The following MYLK3 variants were observed in gnomAD, a reference collection of about 807,000 sequenced individuals.
MYLK3 encodes the protein myosin light chain kinase 3, also known as MLC kinase.
In MYLK3, 55 loss-of-function variants were observed where a neutral mutation model predicts 76.3. That is an observed-to-expected ratio of 0.72 (90% CI 0.58 to 0.90). The LOEUF is 0.90. Among genes scored for constraint, MYLK3 ranks in the 40% least tolerant of loss-of-function variants. The pLI, the probability that MYLK3 is intolerant of heterozygous loss-of-function variation, is 0.00. For synonymous variants in MYLK3, 416 were observed against 425.4 expected, an observed-to-expected ratio of 0.98 and a Z score of 0.27; for missense variants, 973 against 1,053.6, an observed-to-expected ratio of 0.92 and a Z score of 1.06.
intron 1 of MYLK3, among the ~76,000 whole-genome samples, chr16:46,753,677 AG>A: frequency 6.6e-6 from 1 of 152,178 alleles, no homozygotes; most frequent in African/African-American, 2.4e-5. Context: ...TTGGGAGGCC[AG>A]GGTGGGGGGC....
Position 46,703,574 on chromosome 16 carries a change from C to T in MYLK3, c.*4130G>A, listed in dbSNP as rs1207844715. On this transcript the variant is annotated 3_prime_UTR_variant, in exon 13 of 13. Transcript: ENST00000394809. ...GAAAAGTCCCATTAGAAATAGTTGA[C>T]CCAACACAGTTGCAATCAAGTATTT... The T allele has an allele frequency of 6.6e-6, 1 of 152,154 alleles. No individual in the cohort carries two copies. Among genetic ancestry groups the T allele is most frequent in the Non-Finnish European group, 1.5e-5 (1 of 68,038 alleles). 9.4% of individuals were successfully genotyped at this position (152,154 alleles called of 1,614,324 possible). A position where few individuals can be genotyped will look rare whatever the true frequency, so the allele number is the denominator to read the frequency against.
chr16:46,763,164 AG>A (rs1350717291), exon 1 of MYLK3: 1 of 985,100 alleles, frequency 1.0e-6, no homozygotes, highest in Admixed American at 6.1e-5. Context: ...GAGGCAGTTA[AG>A]TGGCTTGTCA....
intron 1 of MYLK3, among the ~76,000 whole-genome samples, chr16:46,758,907 T>C (rs1362959287): frequency 1.3e-5 from 2 of 152,152 alleles, no homozygotes; most frequent in African/African-American, 4.8e-5. Context: ...GACTCCGAGA[T>C]ATTCAATATT....
At chr16:46,725,105 C>T (rs1422256557) in intron 8 of MYLK3, among the ~76,000 whole-genome samples, 1 of 152,024 alleles carries the variant, frequency 6.6e-6, no homozygotes, top group Non-Finnish European at 1.5e-5. Flanking sequence ...ATTGTTCAGT[C>T]CCAGTATTTA....
At chr16:46,721,304 A>G (rs1596753001) in intron 8 of MYLK3, 111 bp from the exon 9 acceptor site, 2 of 892,196 alleles carry the variant, frequency 2.2e-6, no homozygotes, top group East Asian at 4.9e-5. Flanking sequence ...TGAATGGCTC[A>G]GGGCAGCCCT....
chr16:46,727,713 G>T (rs746755402), intron 7 of MYLK3, among the ~76,000 whole-genome samples: 7 of 152,320 alleles, frequency 4.6e-5, no homozygotes, highest in Non-Finnish European at 1.0e-4. Context: ...TTTTAATAGA[G>T]ACAGGGTTTC....
chr16:46,712,826 T>C (rs771214126), intron 9 of MYLK3, 50 bp from the exon 10 acceptor site: 1 of 1,486,110 alleles, frequency 6.7e-7, no homozygotes, highest in Admixed American at 2.3e-5. Context: ...GCCTGGGAGA[T>C]GTGGTGCTGG....
intron 9 of MYLK3, among the ~76,000 whole-genome samples, chr16:46,713,221 A>G: frequency 7.0e-6 from 1 of 142,664 alleles, no homozygotes; most frequent in Admixed American, 7.3e-5. Context: ...TTTTTGAAAC[A>G]GGGTCTCACT....
At chr16:46,756,458 A>G (rs1169144286) in intron 1 of MYLK3, among the ~76,000 whole-genome samples, 1 of 152,214 alleles carries the variant, frequency 6.6e-6, no homozygotes, top group Non-Finnish European at 1.5e-5. Context: ...GAAACAAAGA[A>G]ACAGCTTCAA....
chr16:46,709,594 G>A lies in MYLK3; in HGVS notation c.2345C>T (p.Thr782Ile), dbSNP rs1375932389. 3 of 1,614,174 alleles carry A rather than the reference G, an allele frequency of 1.9e-6. No individual in the cohort carries two copies. The highest frequency in any genetic ancestry group is 1.1e-5 in the South Asian group (1 of 91,086). ...NLPAKASRSK[T>I]RLKSQLLLQK... ...CAGCAGTAGTTGGGATTTGAGACGAGTTTTGGATCTTGAAGCTTTGGCAGG... is the reference window on the plus strand; with the variant it reads ...CAGCAGTAGTTGGGATTTGAGACGAATTTTGGATCTTGAAGCTTTGGCAGG... The change falls in exon 12 of 13, where the codon ACT becomes ATT. Residue 782 changes from threonine to isoleucine, a missense_variant. Physicochemically the swap from Thr to Ile is moderately conservative, Grantham distance 89. Coordinates refer to ENST00000394809, the MANE Select transcript of MYLK3 (RefSeq NM_182493.3).
chr16:46,748,224 G>C lies in MYLK3; in HGVS notation c.-31C>G. On this transcript the variant is annotated 5_prime_UTR_variant, in exon 1 of 13. Coordinates refer to ENST00000394809, the MANE Select transcript of MYLK3 (RefSeq NM_182493.3). The surrounding 1 kb of genome is among the most constrained non-coding windows in gnomAD (Gnocchi z 4.3). The stretch of plus-strand genomic sequence containing the variant: ...TGCAGGCTTGACAAGGGCAAGAGCG[G>C]GGAATGAGGAGAGGCACAGACCCCT... The C allele has an allele frequency of 6.3e-7, 1 of 1,590,820 alleles. No individual in the cohort carries two copies. Among genetic ancestry groups the C allele is most frequent in the Non-Finnish European group, 8.6e-7 (1 of 1,167,604 alleles).
chr16:46,753,340 T>C (rs557120215), upstream of MYLK3, among the ~76,000 whole-genome samples: 12 of 152,306 alleles, frequency 7.9e-5, no homozygotes, highest in South Asian at 2.5e-3. Flanking sequence ...AGCCTGCTTC[T>C]GGAGAAATGT....
At position 46,707,621 on chromosome 16, in the gene MYLK3, A is replaced by G. The variant is rs1596743038; in HGVS notation, c.*83T>C. 3.1e-6 allele frequency: 3 copies of G among 966,536 alleles called. No homozygotes were observed. The East Asian group carries it at 7.6e-5, about 25-fold the overall frequency. The allele number at this position is 966,536 out of a possible 1,614,324, so 59.9% of individuals were successfully genotyped here. A position where few individuals can be genotyped will look rare whatever the true frequency, so the allele number is the denominator to read the frequency against. On this transcript the variant is annotated 3_prime_UTR_variant, in exon 13 of 13. Transcript: ENST00000394809. Reference sequence around the variant, plus strand: ...GGAATCAATAATACCAAAAAGCCAAATTATTTAAATGTTTGAGTCATCTCT... The same window carrying G: ...GGAATCAATAATACCAAAAAGCCAAGTTATTTAAATGTTTGAGTCATCTCT...
chr16:46,723,793 G>C (rs1403524284), intron 8 of MYLK3, among the ~76,000 whole-genome samples: 1 of 152,044 alleles, frequency 6.6e-6, no homozygotes, highest in Non-Finnish European at 1.5e-5. Context: ...GGGATTACAG[G>C]CATGTGCCAC....
rs148433941 is a variant in MYLK3 at position 46,705,149 on chromosome 16, A to C, written c.*2555T>G. On this transcript the variant is annotated 3_prime_UTR_variant, in exon 13 of 13. Coordinates refer to ENST00000394809, the MANE Select transcript of MYLK3 (RefSeq NM_182493.3). ...GCCTACCTCTCTGTCAAAAAGCAAG[A>C]GCCTCTGTTACAGGACAAAAATCCT... 157 of 152,362 alleles carry C rather than the reference A, an allele frequency of 1.0e-3. No individual in the cohort carries two copies. Among genetic ancestry groups the C allele is most frequent in the African/African-American group, 3.6e-3 (151 of 41,588 alleles). The allele number at this position is 152,362 out of a possible 1,614,324, so 9.4% of individuals were successfully genotyped here.
intron 2 of MYLK3, among the ~76,000 whole-genome samples, 200 bp from the exon 3 acceptor site, chr16:46,738,343 A>C (rs1354302853): frequency 6.6e-6 from 1 of 152,188 alleles, no homozygotes; most frequent in Non-Finnish European, 1.5e-5. Flanking sequence ...GAAAAAGGAG[A>C]AATTAATATC....
chr16:46,727,018 A>C (rs1305187987), intron 8 of MYLK3: 2 of 419,774 alleles, frequency 4.8e-6, no homozygotes, highest in Admixed American at 4.0e-5. Flanking sequence ...GTTTCACTTA[A>C]TCTTCAAATA....
intron 12 of MYLK3, among the ~76,000 whole-genome samples, chr16:46,708,695 G>C (rs1966652179): frequency 6.6e-6 from 1 of 152,078 alleles, no homozygotes; most frequent in Admixed American, 6.5e-5. Context: ...ATACATAAAG[G>C]GTTTTGTTTG....
chr16:46,758,266 C>CCACACACA (rs1164674291), intron 1 of MYLK3, among the ~76,000 whole-genome samples: 3 of 127,030 alleles, frequency 2.4e-5, no homozygotes, highest in African/African-American at 6.2e-5. Context: ...CTCTCTCTCT[C>CCACACACA]CACACACACA....
Sources: allele counts gnomAD v4.1 joint callset (sites outside exome capture counted in the v4.1 genomes callset), GRCh38; gene constraint gnomAD v4.1.1; non-coding constraint Gnocchi (gnomAD v3.1); transcripts MANE v1.5; gene names NCBI Gene and HGNC (gene_info 2026-07-23, HGNC 2026-07-21).